CCSER1: variants seen among roughly 807,000 people sequenced by gnomAD.
CCSER1 encodes the protein serine-rich coiled-coil domain-containing protein 1.
CCSER1 carries 41 observed loss-of-function variants against 82.0 expected under a neutral mutation model. The observed-to-expected ratio is 0.50, with a 90% CI of 0.39 to 0.65. The LOEUF is 0.65. Ranked by LOEUF, CCSER1 falls within the 30% of genes least tolerant of loss-of-function variation. CCSER1 has a pLI of 0.00. For missense variants in CCSER1, 1,119 were observed against 1,064.2 expected (o/e 1.05, Z -0.72); for synonymous variants, 414 against 383.9 (o/e 1.08, Z -0.92).
intron 5 of CCSER1, among the ~76,000 whole-genome samples, chr4:90,578,978 T>G (rs2148621810): frequency 6.6e-6 from 1 of 152,320 alleles, no homozygotes; most frequent in Non-Finnish European, 1.5e-5. Flanking sequence ...CTACATATTT[T>G]TAGTGCTTAT....
intron 1 of CCSER1, among the ~76,000 whole-genome samples, chr4:90,161,422 T>C (rs745886359): frequency 6.6e-6 from 1 of 152,162 alleles, no homozygotes; most frequent in Non-Finnish European, 1.5e-5. Context: ...AAATGAAATA[T>C]AGAATTTACA....
intron 10 of CCSER1, among the ~76,000 whole-genome samples, chr4:91,273,563 T>G (rs1742200845): frequency 6.6e-6 from 1 of 152,184 alleles, no homozygotes; most frequent in Admixed American, 6.5e-5. Context: ...AGTGACAGTT[T>G]GACTTCCTCT....
chr4:90,321,028 A>T (rs1350557762), intron 3 of CCSER1, among the ~76,000 whole-genome samples: 1 of 152,154 alleles, frequency 6.6e-6, no homozygotes, highest in African/African-American at 2.4e-5. Context: ...TAATTGGGTT[A>T]TCTATCACCT....
intron 10 of CCSER1, among the ~76,000 whole-genome samples, chr4:91,165,185 A>G (rs1731900081): frequency 6.6e-6 from 1 of 152,164 alleles, no homozygotes. Flanking sequence ...TCTAAGAGTC[A>G]GGTCCCTCAG....
Position 90,398,195 on chromosome 4 carries a change from C to G in CCSER1, c.1510-1841C>G, listed in dbSNP as rs1024424721. Among the ~76,000 whole-genome samples, 9 of 152,272 alleles carry G rather than the reference C, an allele frequency of 5.9e-5. No individual in the cohort carries two copies. The East Asian group carries it at 1.2e-3, about 20-fold the overall frequency. On this transcript the variant is annotated intron_variant, in intron 3 of 10. Transcript: ENST00000509176. ...TGTGCTGTCTGTGTCCTAATCTATT[C>G]TTATAAGAACACCAGTCCCATTGGA... is the stretch of plus-strand genomic sequence containing the variant.
At chr4:90,971,657 TATTAC>T (rs1346333968) in intron 9 of CCSER1, among the ~76,000 whole-genome samples, 1 of 151,966 alleles carries the variant, frequency 6.6e-6, no homozygotes, top group African/African-American at 2.4e-5. Context: ...TCAAAACTCA[TATTAC>T]AAGGCCCAAA....
At chr4:91,135,054 G>C (rs1728340726) in intron 10 of CCSER1, among the ~76,000 whole-genome samples, 1 of 150,316 alleles carries the variant, frequency 6.7e-6, no homozygotes, top group African/African-American at 2.4e-5. Flanking sequence ...GAGAGACTCT[G>C]TCTCAAAGAA....
chr4:90,376,146 T>G (rs1259743000), intron 3 of CCSER1, among the ~76,000 whole-genome samples: 1 of 152,158 alleles, frequency 6.6e-6, no homozygotes, highest in Non-Finnish European at 1.5e-5. Context: ...ACCAGTAGAT[T>G]ATATAATCTT....
intron 1 of CCSER1, among the ~76,000 whole-genome samples, chr4:90,151,520 C>T (rs1188156159): frequency 1.3e-5 from 2 of 151,970 alleles, no homozygotes; most frequent in East Asian, 3.9e-4. Context: ...AAGAGATTAA[C>T]AGGCATTTAA....
intron 8 of CCSER1, among the ~76,000 whole-genome samples, chr4:90,884,145 C>T (rs1025001209): frequency 3.3e-5 from 5 of 152,070 alleles, no homozygotes; most frequent in Non-Finnish European, 7.4e-5. Context: ...GACTAGCTCT[C>T]AATGGAGAGG....
chr4:90,408,767 A>G (rs1231597116), intron 4 of CCSER1, among the ~76,000 whole-genome samples: 1 of 152,250 alleles, frequency 6.6e-6, no homozygotes, highest in Non-Finnish European at 1.5e-5. Context: ...CAGCAACGGA[A>G]CAAAGCTGGA....
chr4:90,465,096 C>G (rs918535250), intron 4 of CCSER1, among the ~76,000 whole-genome samples: 1 of 149,826 alleles, frequency 6.7e-6, no homozygotes, highest in African/African-American at 2.5e-5. Flanking sequence ...CCCAAGTAGC[C>G]GGGATTACAG....
intron 5 of CCSER1, among the ~76,000 whole-genome samples, chr4:90,592,025 G>T (rs1034990998): frequency 1.3e-5 from 2 of 151,906 alleles, no homozygotes; most frequent in African/African-American, 4.8e-5. Context: ...TACACACGGG[G>T]GTCTGTCGCA....
intron 6 of CCSER1, among the ~76,000 whole-genome samples, chr4:90,712,623 G>T (rs1740846611): frequency 6.6e-6 from 1 of 151,792 alleles, no homozygotes; most frequent in African/African-American, 2.4e-5. Context: ...TTGTTTTGGG[G>T]TGGAGAGTTC....
chr4:91,436,754 C>G lies in CCSER1; in HGVS notation c.2218-161818C>G, dbSNP rs1048804553. 2.6e-5 allele frequency among the ~76,000 whole-genome samples: 4 copies of G among 152,198 alleles called. No homozygotes were observed. In the South Asian group the frequency reaches 6.2e-4, roughly 24 times the overall value. ...CTCAGCTAGGGAAACAGAGAGATAG[C>G]CAAGCCACAGATGGATCTAAATTAG... On this transcript the variant is annotated intron_variant, in intron 10 of 10. Transcript: ENST00000509176.
chr4:90,475,442 C>G (rs1764943653), intron 5 of CCSER1, among the ~76,000 whole-genome samples: 2 of 152,170 alleles, frequency 1.3e-5, no homozygotes, highest in Admixed American at 6.5e-5. Context: ...AAATATAGGT[C>G]TCTTCCACAG....
intron 5 of CCSER1, among the ~76,000 whole-genome samples, chr4:90,606,620 A>G (rs969446191): frequency 1.3e-5 from 2 of 152,192 alleles, no homozygotes; most frequent in African/African-American, 4.8e-5. Context: ...ACTGTGAAAA[A>G]TTTATTTTCA....
chr4:91,340,990 A>G (rs1747685236), intron 10 of CCSER1, among the ~76,000 whole-genome samples: 1 of 152,232 alleles, frequency 6.6e-6, no homozygotes, highest in African/African-American at 2.4e-5. Flanking sequence ...CATAATGGAC[A>G]TAACTGAAAC....
At chr4:90,272,049 TCA>T (rs1726633909) in intron 1 of CCSER1, among the ~76,000 whole-genome samples, 1 of 151,090 alleles carries the variant, frequency 6.6e-6, no homozygotes, top group African/African-American at 2.4e-5. Context: ...CCATCAGATC[TCA>T]TGAGAACTCA....
Sources: allele counts gnomAD v4.1 joint callset (sites outside exome capture counted in the v4.1 genomes callset), GRCh38; gene constraint gnomAD v4.1.1; transcripts MANE v1.5; gene names NCBI Gene and HGNC (gene_info 2026-07-23, HGNC 2026-07-21).